Variants in APOL3 observed in about 807,000 individuals in gnomAD.
APOL3 encodes the protein apolipoprotein L3, also known as TNF-inducible protein CG12-1.
APOL3 carries 14 observed loss-of-function variants against 11.6 expected under a neutral mutation model. The ratio of observed to expected loss-of-function variants is 1.21; its 90% CI spans 0.80 to 1.89. The LOEUF is 1.89. APOL3 is among the 40% of genes most tolerant of loss of function. APOL3 has a pLI of 0.00. For synonymous variants in APOL3, 192 were observed against 190.6 expected, an observed-to-expected ratio of 1.01 and a Z score of -0.06; for missense variants, 483 against 492.1, an observed-to-expected ratio of 0.98 and a Z score of 0.17.
upstream of APOL3, among the ~76,000 whole-genome samples, chr22:36,163,576 G>T (rs532274354): frequency 5.3e-5 from 8 of 152,284 alleles, no homozygotes; most frequent in East Asian, 1.5e-3. Flanking sequence ...TTTCAGCAAG[G>T]CTGTAGTACC....
intron 1 of APOL3, chr22:36,146,001 T>TCTCTCTCTCTCTCTCTCTCTCC: frequency 1.5e-5 from 1 of 68,054 alleles, no homozygotes; most frequent in East Asian, 2.4e-4. Context: ...TCTCTCTCTC[T>TCTCTCTCTCTCTCTCTCTCTCC]CACACACTCA....
intron 2 of APOL3, 124 bp downstream of exon 3, chr22:36,145,349 G>A (rs2060153334): frequency 8.0e-6 from 10 of 1,245,132 alleles, no homozygotes; most frequent in Non-Finnish European, 1.0e-5. Context: ...TGCTGAGAGG[G>A]ACATTCTCAA....
chr22:36,165,350 C>T (rs2013833126), upstream of APOL3: 1 of 152,108 alleles, frequency 6.6e-6, no homozygotes, highest in South Asian at 2.1e-4. Context: ...TTTTAATTTG[C>T]TCACAGCCAA....
chr22:36,144,873 C>T (rs1000168046), intron 2 of APOL3, among the ~76,000 whole-genome samples: 1 of 151,522 alleles, frequency 6.6e-6, no homozygotes, highest in Non-Finnish European at 1.5e-5. Context: ...TAGCCGGATG[C>T]GGTGGCCGGA....
chr22:36,141,264 A>G (rs2059973077), exon 3 of APOL3: 1 of 1,613,996 alleles, frequency 6.2e-7, no homozygotes. Context: ...ATTCTCCTCC[A>G]GCTCCTGAGC....
intron 2 of APOL3, among the ~76,000 whole-genome samples, chr22:36,145,031 A>G (rs527807976): frequency 5.3e-5 from 8 of 150,390 alleles, no homozygotes; most frequent in Non-Finnish European, 8.8e-5. Flanking sequence ...AAAAAGAAAA[A>G]AAAAGAAAAA....
intron 1 of APOL3, 35 bp downstream of exon 2, chr22:36,149,011 G>A: frequency 7.3e-7 from 1 of 1,367,562 alleles, no homozygotes; most frequent in Non-Finnish European, 9.8e-7. Context: ...GGTGCGAGTA[G>A]GAACCAGCCA....
At chr22:36,153,399 A>G (rs2012149962) in intron 1 of APOL3, 1 of 456,106 alleles carries the variant, frequency 2.2e-6, no homozygotes, top group Non-Finnish European at 4.4e-6. Context: ...GCTTCAGAGA[A>G]ACCTCGGTGG....
At chr22:36,149,004 G>A (rs1230535684) in intron 1 of APOL3, 42 bp downstream of exon 2, 2 of 1,364,942 alleles carry the variant, frequency 1.5e-6, no homozygotes, top group Admixed American at 1.9e-5. Flanking sequence ...CATTCTAGGT[G>A]CGAGTAGGAA....
exon 3 of APOL3, chr22:36,140,734 A>G (rs1412323866): frequency 6.2e-6 from 1 of 161,424 alleles, no homozygotes. Flanking sequence ...GCAGGGGACC[A>G]TCACCAGGGA....
intron 1 of APOL3, among the ~76,000 whole-genome samples, chr22:36,151,954 T>G (rs1424449370): frequency 6.6e-6 from 1 of 151,998 alleles, no homozygotes; most frequent in Non-Finnish European, 1.5e-5. Context: ...TACTTGAGAA[T>G]GAGCTGTGGA....
chr22:36,145,586 A>G lies in APOL3; in HGVS notation c.237T>C (p.Phe79=), dbSNP rs1206682327. The change falls in exon 2 of 3, where the codon TTT becomes TTC. Residue 79 remains phenylalanine (F), a synonymous_variant. Coordinates refer to ENST00000349314, the Ensembl canonical transcript of APOL3. ...GGAAGTATTTGGTGGCCTCTTCAGT[A>G]AAGCGTTTCTTTTCTACTTGGAAAC... 4 of 1,613,668 alleles carry G rather than the reference A, an allele frequency of 2.5e-6. No individual in the cohort carries two copies. In the East Asian group the frequency reaches 6.7e-5, roughly 27 times the overall value.
At chr22:36,164,952 C>G (rs149377535), upstream of APOL3, 17 of 152,244 alleles carry the variant, frequency 1.1e-4, no homozygotes, top group African/African-American at 4.1e-4. Context: ...TGGAAAAACC[C>G]TACTTTAGTA....
chr22:36,164,728 A>G (rs2013816508), upstream of APOL3: 1 of 152,146 alleles, frequency 6.6e-6, no homozygotes, highest in African/African-American at 2.4e-5. Context: ...AAACATAACA[A>G]CTTCTGGTTT....
At chr22:36,143,014 C>T (rs2060058151) in intron 2 of APOL3, among the ~76,000 whole-genome samples, 1 of 152,168 alleles carries the variant, frequency 6.6e-6, no homozygotes, top group African/African-American at 2.4e-5. Context: ...TAGCAGAAAC[C>T]CCCCATTCTG....
intron 1 of APOL3, among the ~76,000 whole-genome samples, chr22:36,148,623 C>T (rs1221350593): frequency 6.6e-6 from 1 of 152,162 alleles, no homozygotes; most frequent in Non-Finnish European, 1.5e-5. Context: ...AGGGGACTGG[C>T]CTGTGCTGGA....
At chr22:36,164,581 T>A (rs2013812958), upstream of APOL3, 1 of 152,202 alleles carries the variant, frequency 6.6e-6, no homozygotes, top group Admixed American at 6.5e-5. Context: ...CAACAAAAAA[T>A]GCAAACATAC....
Position 36,141,602 on chromosome 22 carries a change from A to G in APOL3, c.807T>C (p.Val269=), listed in dbSNP as rs147303125. ...GTAAGTTGGGTGTGATGTCACGCATAACTTCCTTAAATACCTTCAATCGGT... is the reference window on the plus strand; with the variant it reads ...GTAAGTTGGGTGTGATGTCACGCATGACTTCCTTAAATACCTTCAATCGGT... The change falls in exon 3 of 3, where the codon GTT becomes GTC. Residue 269 remains valine (V), a synonymous_variant. Transcript: ENST00000349314. The G allele has an allele frequency of 1.8e-4, 284 of 1,614,218 alleles. 2 individuals carry two copies. In the African/African-American group the frequency reaches 3.4e-3, roughly 19 times the overall value.
At chr22:36,159,392 G>A (rs2013431215) in intron 1 of APOL3, 1 of 152,188 alleles carries the variant, frequency 6.6e-6, no homozygotes, top group South Asian at 2.1e-4. Flanking sequence ...GGAGGGCAGG[G>A]GGAAGGTCAA....
Sources: allele counts gnomAD v4.1 joint callset (sites outside exome capture counted in the v4.1 genomes callset), GRCh38; gene constraint gnomAD v4.1.1; transcripts MANE v1.5; gene names NCBI Gene and HGNC (gene_info 2026-07-23, HGNC 2026-07-21).